The following KCNMB2 variants were observed in gnomAD, a reference collection of about 807,000 sequenced individuals.
KCNMB2 encodes the protein calcium-activated potassium channel subunit beta-2.
Under a neutral mutation model 24.5 loss-of-function variants are expected in KCNMB2, and 9 were observed. The observed-to-expected ratio is 0.37, with a 90% CI of 0.22 to 0.64. The LOEUF (loss-of-function observed/expected upper bound fraction) is 0.64, where lower values mean the gene tolerates loss of function less well. KCNMB2 is among the 30% of genes least tolerant of loss of function. The pLI is 0.63. For synonymous variants in KCNMB2, 109 were observed against 104.4 expected, an observed-to-expected ratio of 1.04 and a Z score of -0.27; for missense variants, 226 against 284.3, an observed-to-expected ratio of 0.79 and a Z score of 1.47.
chr3:178,641,982 A>T (rs1338692494), intron 1 of KCNMB2, among the ~76,000 whole-genome samples: 1 of 152,186 alleles, frequency 6.6e-6, no homozygotes, highest in African/African-American at 2.4e-5. Context: ...AAACTGGTAT[A>T]ATTAAGCCAT....
intron 1 of KCNMB2, among the ~76,000 whole-genome samples, chr3:178,773,808 A>G (rs1332138053): frequency 6.6e-6 from 1 of 152,218 alleles, no homozygotes; most frequent in Non-Finnish European, 1.5e-5. Context: ...CATTTCAGCC[A>G]CAGACCAAAT....
chr3:178,759,509 A>AAGAGGATATATATACATATATC (rs1711608608), intron 1 of KCNMB2, among the ~76,000 whole-genome samples: 1 of 99,882 alleles, frequency 1.0e-5, no homozygotes, highest in Non-Finnish European at 2.0e-5. Context: ...ATATATATAT[A>AAGAGGATATATATACATATATC]TCTCTCCAAG....
In KCNMB2 at chr3:178,760,352, A is replaced by C. The variant is rs191132547; in HGVS notation, c.-67-46991A>C. 3.1e-3 allele frequency among the ~76,000 whole-genome samples: 360 copies of C among 114,854 alleles called. 14 individuals carry two copies. Among genetic ancestry groups the C allele is most frequent in the South Asian group, 0.019 (72 of 3,742 alleles). The allele number at this position is 114,854 out of a possible 152,430, so 75.3% of individuals were successfully genotyped here. On this transcript the variant is annotated intron_variant, in intron 1 of 4. Transcript: ENST00000452583. Reference sequence around the variant, plus strand: ...TAGATATATATCTCCTTCGTTACATATATATATCCATATCCAAGATATATA... The same window carrying C: ...TAGATATATATCTCCTTCGTTACATCTATATATCCATATCCAAGATATATA...
intron 1 of KCNMB2, among the ~76,000 whole-genome samples, chr3:178,569,423 A>C (rs1716688778): frequency 6.6e-6 from 1 of 152,180 alleles, no homozygotes; most frequent in South Asian, 2.1e-4. Context: ...GCCTCATCCA[A>C]ATCACAGTAA....
rs183470505 is a variant in KCNMB2, at chr3:178,642,485, A to G, written c.-68+105774A>G. On this transcript the variant is annotated intron_variant, in intron 1 of 4. Coordinates refer to ENST00000452583, the MANE Select transcript of KCNMB2 (RefSeq NM_181361.3). ...ACCTTCCTCACAGTATTAATTCAATACTAAGCACAACAGTATGTATGAAGC... is the reference window on the plus strand; with the variant it reads ...ACCTTCCTCACAGTATTAATTCAATGCTAAGCACAACAGTATGTATGAAGC... Among the ~76,000 whole-genome samples, 100 of 152,348 alleles carry G rather than the reference A, an allele frequency of 6.6e-4. 2 individuals carry two copies. The highest frequency in any genetic ancestry group is 4.4e-5 in the Non-Finnish European group (3 of 68,036).
chr3:178,577,181 T>C (rs763562800), intron 1 of KCNMB2, among the ~76,000 whole-genome samples: 2 of 152,002 alleles, frequency 1.3e-5, no homozygotes, highest in African/African-American at 2.4e-5. Flanking sequence ...CAAGGAGCAA[T>C]ATTTGCTCTT....
At position 178,752,300 on chromosome 3, in the gene KCNMB2, C is replaced by A. The variant is rs181052937; in HGVS notation, c.-67-55043C>A. Among the ~76,000 whole-genome samples the A allele has an allele frequency of 1.7e-4, 26 of 152,186 alleles. No individual in the cohort carries two copies. In the East Asian group the frequency reaches 4.4e-3, roughly 26 times the overall value. ...ATAATCAGAAAATGACATTGAGCTGCGCCTTTAAGAAAATCAAACATTTTA... is the reference window on the plus strand; with the variant it reads ...ATAATCAGAAAATGACATTGAGCTGAGCCTTTAAGAAAATCAAACATTTTA... On this transcript the variant is annotated intron_variant, in intron 1 of 4. Coordinates refer to ENST00000452583, the MANE Select transcript of KCNMB2 (RefSeq NM_181361.3).
chr3:178,724,263 C>T (rs903510678), intron 1 of KCNMB2, among the ~76,000 whole-genome samples: 10 of 148,300 alleles, frequency 6.7e-5, no homozygotes, highest in African/African-American at 2.5e-4. Flanking sequence ...ATTAGTGATG[C>T]TGAGCATTTT....
At chr3:178,640,367 CAA>C (rs1719679479) in intron 1 of KCNMB2, among the ~76,000 whole-genome samples, 1 of 152,022 alleles carries the variant, frequency 6.6e-6, no homozygotes, top group South Asian at 2.1e-4. Flanking sequence ...CATGGAGGAG[CAA>C]GAGAGAGAGA....
At chr3:178,694,129 G>A (rs186073792) in intron 1 of KCNMB2, among the ~76,000 whole-genome samples, 17 of 152,242 alleles carry the variant, frequency 1.1e-4, no homozygotes, top group Admixed American at 4.6e-4. Context: ...TGGCAGAAGC[G>A]GAAGCAAGCA....
chr3:178,646,444 G>A (rs547533178), intron 1 of KCNMB2, among the ~76,000 whole-genome samples: 5 of 152,270 alleles, frequency 3.3e-5, no homozygotes, highest in African/African-American at 1.2e-4. Flanking sequence ...ATGCCAGCCA[G>A]AAAAGAACAG....
chr3:178,768,595 C>T (rs1388629771), intron 1 of KCNMB2, among the ~76,000 whole-genome samples: 1 of 152,084 alleles, frequency 6.6e-6, no homozygotes, highest in South Asian at 2.1e-4. Flanking sequence ...TGGCAGAAAA[C>T]AGAATGAAAA....
At chr3:178,575,447 C>T (rs903928743) in intron 1 of KCNMB2, among the ~76,000 whole-genome samples, 1 of 152,036 alleles carries the variant, frequency 6.6e-6, no homozygotes, top group East Asian at 1.9e-4. Flanking sequence ...TGAGCTGTGA[C>T]GAATCAACTT....
chr3:178,737,755 A>T (rs1430747833), intron 1 of KCNMB2, among the ~76,000 whole-genome samples: 1 of 152,226 alleles, frequency 6.6e-6, no homozygotes, highest in African/African-American at 2.4e-5. Context: ...AGAGCTACAC[A>T]TAAAATGTAA....
chr3:178,645,143 C>T (rs1386145956), intron 1 of KCNMB2, among the ~76,000 whole-genome samples: 2 of 150,662 alleles, frequency 1.3e-5, no homozygotes, highest in Non-Finnish European at 3.0e-5. Context: ...CTCTGCCACC[C>T]GGGTTCAAGC....
At position 178,810,401 on chromosome 3, in the gene KCNMB2, G is replaced by A. The variant is rs368226009; in HGVS notation, c.56+2936G>A. On this transcript the variant is annotated intron_variant, in intron 2 of 4. Coordinates refer to ENST00000452583, the MANE Select transcript of KCNMB2 (RefSeq NM_181361.3). The stretch of plus-strand genomic sequence containing the variant: ...CCACACCTCCTCTTCCTGAGAACAG[G>A]GCCAAATGTGTCAGTATATCGGATT... Among the ~76,000 whole-genome samples the A allele has an allele frequency of 4.0e-4, 61 of 152,094 alleles. 1 individual carries two copies. The South Asian group carries it at 0.01, about 25-fold the overall frequency.
intron 1 of KCNMB2, among the ~76,000 whole-genome samples, chr3:178,558,509 T>C (rs966781446): frequency 6.6e-6 from 1 of 152,182 alleles, no homozygotes; most frequent in Non-Finnish European, 1.5e-5. Context: ...GCCTCTCTCA[T>C]TTCTGTCTGT....
chr3:178,578,695 A>C (rs9868952), intron 1 of KCNMB2, among the ~76,000 whole-genome samples: 1 of 152,224 alleles, frequency 6.6e-6, no homozygotes, highest in African/African-American at 2.4e-5. Context: ...TTACTAACCA[A>C]ATGGAAAGCA....
chr3:178,711,087 A>T (rs1259238707), intron 1 of KCNMB2, among the ~76,000 whole-genome samples: 1 of 152,142 alleles, frequency 6.6e-6, no homozygotes, highest in African/African-American at 2.4e-5. Flanking sequence ...TCTTTGCATC[A>T]ATTCTCATAA....
Sources: allele counts gnomAD v4.1 joint callset (sites outside exome capture counted in the v4.1 genomes callset), GRCh38; gene constraint gnomAD v4.1.1; transcripts MANE v1.5; gene names NCBI Gene and HGNC (gene_info 2026-07-23, HGNC 2026-07-21).